Variants in NMRAL1 observed in about 807,000 individuals in gnomAD.
NMRAL1 encodes NmrA like redox sensor 1, also known as nmrA-like family domain-containing protein 1.
Under a neutral mutation model 27.5 loss-of-function variants are expected in NMRAL1, and 32 were observed. The ratio of observed to expected loss-of-function variants is 1.16; its 90% CI spans 0.88 to 1.56. The LOEUF is 1.56. NMRAL1 is among the 40% of genes most tolerant of loss of function. NMRAL1 has a pLI of 0.00. For synonymous variants in NMRAL1, 166 were observed against 166.8 expected (o/e 1.00, Z 0.04); for missense variants, 420 against 392.0 (o/e 1.07, Z -0.60).
Position 4,466,198 on chromosome 16 carries a change from G to A in NMRAL1, c.484C>T (p.His162Tyr). ...LPCYFENLLS[H>Y]FLPQKAPDGK... ...TCTGGGGCTTTCTGGGGCAAGAAGT[G>A]GGAGAGGAGGTTCTCAAAATAGCAG... The change falls in exon 4 of 6, where the codon CAC becomes TAC. Residue 162 changes from histidine (H) to tyrosine (Y), a missense_variant. Coordinates refer to ENST00000283429, the MANE Select transcript of NMRAL1 (RefSeq NM_020677.6). 1 of 1,614,174 alleles carries A rather than the reference G, an allele frequency of 6.2e-7. No homozygotes were observed. The highest frequency in any genetic ancestry group is 8.5e-7 in the Non-Finnish European group (1 of 1,180,044).
intron 2 of NMRAL1, 110 bp from the exon 3 acceptor site, chr16:4,469,575 T>C: frequency 6.5e-7 from 1 of 1,539,008 alleles, no homozygotes; most frequent in Non-Finnish European, 8.7e-7. Context: ...CAGGAAACCT[T>C]CTCAACGACG....
chr16:4,470,884 T>C (rs1300627665), intron 2 of NMRAL1, among the ~76,000 whole-genome samples: 1 of 151,496 alleles, frequency 6.6e-6, no homozygotes, highest in Non-Finnish European at 1.5e-5. Flanking sequence ...GAGGTGGAGC[T>C]TGCAGTGAGC....
chr16:4,468,237 G>C (rs2057404786), intron 3 of NMRAL1, among the ~76,000 whole-genome samples: 1 of 152,190 alleles, frequency 6.6e-6, no homozygotes, highest in Non-Finnish European at 1.5e-5. Context: ...AGGAGGCGGA[G>C]GTTGCGGTGA....
chr16:4,462,660 G>A (rs1405255059), intron 5 of NMRAL1, among the ~76,000 whole-genome samples: 1 of 152,048 alleles, frequency 6.6e-6, no homozygotes, highest in East Asian at 1.9e-4. Flanking sequence ...GATCGCTTGA[G>A]CCCAGGAGTT....
chr16:4,466,426 C>T, intron 3 of NMRAL1, 24 bp from the exon 4 acceptor site: 2 of 1,605,934 alleles, frequency 1.2e-6, no homozygotes, highest in Non-Finnish European at 1.7e-6. Flanking sequence ...AAGGAGAGAT[C>T]ACAAGGCTCA....
chr16:4,472,788 A>G (rs1027963454), intron 2 of NMRAL1, among the ~76,000 whole-genome samples: 33 of 152,024 alleles, frequency 2.2e-4, no homozygotes, highest in African/African-American at 7.2e-4. Flanking sequence ...ACACTACAAC[A>G]TGAACAAACC....
intron 2 of NMRAL1, chr16:4,469,725 G>A (rs537908952): frequency 1.7e-6 from 1 of 593,050 alleles, no homozygotes; most frequent in Admixed American, 3.2e-5. Flanking sequence ...AAATTAGCTG[G>A]GTGTGAAGGC....
intron 2 of NMRAL1, 86 bp from the exon 3 acceptor site, chr16:4,469,551 C>T: frequency 2.6e-6 from 4 of 1,568,452 alleles, no homozygotes; most frequent in South Asian, 1.1e-5. Context: ...TGCTCCACCA[C>T]AGCAAGGAGC....
At chr16:4,466,765 G>C (rs2057346294) in intron 3 of NMRAL1, 1 of 273,872 alleles carries the variant, frequency 3.7e-6, no homozygotes, top group South Asian at 4.4e-5. Context: ...TCCTTGGAGA[G>C]CCCTGGGAGG....
chr16:4,474,393 C>T, intron 1 of NMRAL1, 161 bp downstream of exon 1: 1 of 482,518 alleles, frequency 2.1e-6, no homozygotes, highest in Non-Finnish European at 3.7e-6. Flanking sequence ...TCACCCGCCC[C>T]CCGGCCCGGG....
chr16:4,462,863 T>C (rs1416768039), intron 5 of NMRAL1, among the ~76,000 whole-genome samples: 1 of 143,814 alleles, frequency 7.0e-6, no homozygotes, highest in Non-Finnish European at 1.5e-5. Context: ...TCCCAGATTC[T>C]TTTTTTTTTT....
chr16:4,472,973 C>CTTT (rs768092791), intron 2 of NMRAL1, among the ~76,000 whole-genome samples: 7 of 119,716 alleles, frequency 5.8e-5, no homozygotes, highest in Admixed American at 8.5e-5. Context: ...TCATGGAGTT[C>CTTT]TTTTTTTTTT....
rs997725293 is a variant in NMRAL1 at position 4,471,619 on chromosome 16, CAA to C, written c.41-2156_41-2155del. Among the ~76,000 whole-genome samples the C allele has an allele frequency of 6.7e-3, 389 of 58,494 alleles. 3 individuals carry two copies. The highest frequency in any genetic ancestry group is 0.015 in the African/African-American group (297 of 20,224). 38.4% of individuals were successfully genotyped at this position (58,494 alleles called of 152,430 possible). ...GGGTAACAGAGTAAGGCCCTGTCTCCAAAAAAAAAAAAAAAAAAAAATTCTTT... is the reference window on the plus strand; with the variant it reads ...GGGTAACAGAGTAAGGCCCTGTCTCCAAAAAAAAAAAAAAAAAAATTCTTT... On this transcript the variant is annotated intron_variant, in intron 2 of 5. Transcript: ENST00000283429.
Position 4,474,168 on chromosome 16 carries a change from T to C in NMRAL1, c.-34-2A>G, listed in dbSNP as rs2057724283. ...ATGGGACGAATCCGGTCCAGAGATCTGGGGGTAATGGGAGGCGTGGAGTTG... is the reference window on the plus strand; with the variant it reads ...ATGGGACGAATCCGGTCCAGAGATCCGGGGGTAATGGGAGGCGTGGAGTTG... On this transcript the variant is annotated splice_acceptor_variant, in intron 1 of 5. Coordinates refer to ENST00000283429, the MANE Select transcript of NMRAL1 (RefSeq NM_020677.6). LOFTEE classifies it low-confidence loss of function (5UTR_SPLICE). The C allele has an allele frequency of 6.2e-7, 1 of 1,602,140 alleles. No homozygotes were observed. The highest frequency in any genetic ancestry group is 8.5e-7 in the Non-Finnish European group (1 of 1,172,860).
At chr16:4,475,170 C>T (rs1326316832), upstream of NMRAL1, among the ~76,000 whole-genome samples, 11 of 151,770 alleles carry the variant, frequency 7.2e-5, no homozygotes, top group South Asian at 2.1e-4. Flanking sequence ...CCAGGCAGGT[C>T]TCGAACTCCT....
intron 2 of NMRAL1, among the ~76,000 whole-genome samples, chr16:4,471,065 C>T (rs2057548817): frequency 6.6e-6 from 1 of 151,922 alleles, no homozygotes; most frequent in Admixed American, 6.6e-5. Context: ...CGAGATTGGG[C>T]CACTGCACTC....
rs367564169 is a variant in NMRAL1, at chr16:4,463,834, G to A, written c.546C>T (p.Asp182=). The change falls in exon 5 of 6, where the codon GAC becomes GAT. Residue 182 remains aspartate (D), a synonymous_variant. Transcript: ENST00000283429. ...KSYLLSLPTG[D]VPMDGMSVSD... ...ACACGGACATGCCATCCATGGGAAC[G>A]TCACCTGTGGGCAAGCCTGTGGGGC... is the stretch of plus-strand genomic sequence containing the variant. 2.0e-5 allele frequency: 32 copies of A among 1,613,320 alleles called. No homozygotes were observed. The highest frequency in any genetic ancestry group is 1.8e-4 in the South Asian group (16 of 91,036).
intron 2 of NMRAL1, among the ~76,000 whole-genome samples, chr16:4,473,502 C>G (rs184280430): frequency 6.7e-4 from 102 of 152,198 alleles, no homozygotes; most frequent in African/African-American, 2.4e-3. Flanking sequence ...GTTATCTACT[C>G]TGGCAGGATA....
At position 4,469,196 on chromosome 16, in the gene NMRAL1, G is replaced by A. The variant is rs145571336; in HGVS notation, c.279+31C>T. 601 of 1,512,614 alleles carry A rather than the reference G, an allele frequency of 4.0e-4. 6 individuals are homozygous for A. In the African/African-American group the frequency reaches 7.1e-3, roughly 18 times the overall value. 93.7% of individuals were successfully genotyped at this position (1,512,614 alleles called of 1,614,324 possible). On this transcript the variant is annotated intron_variant, in intron 3 of 5. Transcript: ENST00000283429. ...CAGGCGCTCTGCTCCTAGCCTGGCC[G>A]GGCCTCCCTGCAGCTCCTGCCTGCC...
Sources: gnomAD v4.1 joint callset for allele counts (sites outside exome capture counted in the v4.1 genomes callset) on GRCh38, gnomAD v4.1.1 for gene constraint, MANE v1.5 for transcripts, NCBI Gene and HGNC (gene_info 2026-07-23, HGNC 2026-07-21) for gene names.